The following INF2 variants were observed in gnomAD, a reference collection of about 807,000 sequenced individuals.
The protein encoded by INF2 is inverted formin 2, also known as inverted formin-2.
Under a neutral mutation model 123.5 loss-of-function variants are expected in INF2, and 43 were observed. The ratio of observed to expected loss-of-function variants is 0.35; its 90% confidence interval spans 0.27 to 0.45. INF2 has a LOEUF of 0.45. Ranked by LOEUF, INF2 falls within the 20% of genes least tolerant of loss-of-function variation. The pLI, the probability that INF2 is intolerant of heterozygous loss-of-function variation, is 1.00. For synonymous variants in INF2, 851 were observed against 745.0 expected (o/e 1.14, Z -2.32); for missense variants, 1,453 against 1,682.7 (o/e 0.86, Z 2.39).
intron 22 of INF2, among the ~76,000 whole-genome samples, chr14:104,716,851 C>T (rs919114246): frequency 5.3e-5 from 8 of 152,138 alleles, no homozygotes; most frequent in South Asian, 2.1e-4. Context: ...CCACCACGCG[C>T]GGCTAATTTT....
rs1342829787 is a variant in INF2, at chr14:104,721,980, C to T, written c.*3187C>T. ...GATGGTCCCACTGGGAGGTGTGGCC[C>T]CCAAAGAGTGGAACCCACAGGTGGA... On this transcript the variant is annotated 3_prime_UTR_variant, in exon 23 of 23. Transcript: ENST00000392634. 1 of 152,296 alleles carries T rather than the reference C, an allele frequency of 6.6e-6. No individual in the cohort carries two copies. Among genetic ancestry groups the T allele is most frequent in the Non-Finnish European group, 1.5e-5 (1 of 68,084 alleles). The allele number at this position is 152,296 out of a possible 1,614,324, so 9.4% of individuals were successfully genotyped here. A position where few individuals can be genotyped will look rare whatever the true frequency, so the allele number is the denominator to read the frequency against.
At chr14:104,710,871 C>A in intron 13 of INF2, 66 bp from the exon 14 acceptor site, 1 of 1,437,980 alleles carries the variant, frequency 7.0e-7, no homozygotes. Flanking sequence ...AGGACCACAC[C>A]CCACCGCCAG....
At chr14:104,715,470 C>G (rs1890256396) in intron 22 of INF2, 130 bp downstream of exon 22, 1 of 860,558 alleles carries the variant, frequency 1.2e-6, no homozygotes, top group Admixed American at 1.8e-5. Context: ...GTCAGTGTGG[C>G]CTTGCCGCTC....
At chr14:104,713,913 G>A (rs1030850336) in intron 20 of INF2, among the ~76,000 whole-genome samples, 1 of 152,266 alleles carries the variant, frequency 6.6e-6, no homozygotes, top group Non-Finnish European at 1.5e-5. Context: ...GGCTCAGAGG[G>A]TGCTAGAGGT....
In INF2 at chr14:104,707,676, C is replaced by A. The variant is rs1166010216; in HGVS notation, c.1409C>A (p.Ala470Asp). Reference sequence around the variant, plus strand: ...CCCCTGCCAGGCCTGGGGGCCATGGCCCCCCCAGCACCTCCTCTACCACCA... The same window carrying A: ...CCCCTGCCAGGCCTGGGGGCCATGGACCCCCCAGCACCTCCTCTACCACCA... ...PPPLPGLGAM[A>D]PPAPPLPPPL... Residue 470 changes from alanine (A) to aspartate (D), a missense_variant, in exon 8 of 23, where the codon GCC becomes GAC. By Grantham distance (126) the Ala-to-Asp change is moderately radical. Coordinates refer to ENST00000392634, the MANE Select transcript of INF2 (RefSeq NM_022489.4). 1.8e-4 allele frequency: 136 copies of A among 760,180 alleles called. No individual in the cohort carries two copies. Among genetic ancestry groups the A allele is most frequent in the Non-Finnish European group, 2.6e-4 (130 of 493,632 alleles). 47.1% of individuals were successfully genotyped at this position (760,180 alleles called of 1,614,324 possible).
Position 104,684,452 on chromosome 14 carries a change from G to A in INF2, c.-104+2870G>A. The A allele has an allele frequency of 4.3e-6, 1 of 234,660 alleles. No homozygotes were observed. Among genetic ancestry groups the A allele is most frequent in the Middle Eastern group, 1.6e-3 (1 of 644 alleles). 14.5% of individuals were successfully genotyped at this position (234,660 alleles called of 1,614,324 possible). On this transcript the variant is annotated intron_variant, in intron 1 of 2. Coordinates refer to the INF2 transcript ENST00000674723. The surrounding 1 kb of genome is among the most constrained non-coding windows in gnomAD (Gnocchi z 5.0). ...GAGTGAACGATGCACACCACCGCGT[G>A]GATGAGTCTCAGAGACTGTGGAGCG...
chr14:104,719,468 G>A lies in INF2; in HGVS notation c.*675G>A. ...TGGGGACAATACAGGTCCACCTGAG[G>A]GGCTGCAGGGTGACACCCAGCAGCC... On this transcript the variant is annotated 3_prime_UTR_variant, in exon 23 of 23. Coordinates refer to ENST00000392634, the MANE Select transcript of INF2 (RefSeq NM_022489.4). 6.6e-6 allele frequency: 1 copy of A among 152,156 alleles called. No individual in the cohort carries two copies. Among genetic ancestry groups the A allele is most frequent in the Admixed American group, 6.5e-5 (1 of 15,290 alleles). 9.4% of individuals were successfully genotyped at this position (152,156 alleles called of 1,614,324 possible). A position where few individuals can be genotyped will look rare whatever the true frequency, so the allele number is the denominator to read the frequency against.
upstream of INF2, chr14:104,689,515 C>T (rs1420531735): frequency 4.5e-6 from 2 of 442,320 alleles, no homozygotes; most frequent in Non-Finnish European, 6.0e-6. Context: ...ACCCACCTCC[C>T]CCCCCAGGCC....
rs1889614072 is a variant in INF2, at chr14:104,703,279, C to T, written c.508-16C>T. On this transcript the variant is annotated splice_polypyrimidine_tract_variant and intron_variant, in intron 3 of 22. Coordinates refer to ENST00000392634, the MANE Select transcript of INF2 (RefSeq NM_022489.4). ...GCTCCCTGCCTGGGTGTGCCCTGAC[C>T]CCGCCCTCCCCACAGACGGTGTGCA... 11 of 1,612,992 alleles carry T rather than the reference C, an allele frequency of 6.8e-6. No individual in the cohort carries two copies. Among genetic ancestry groups the T allele is most frequent in the South Asian group, 1.1e-5 (1 of 91,088 alleles).
chr14:104,711,354 C>T (rs953142164), intron 15 of INF2, among the ~76,000 whole-genome samples, 168 bp downstream of exon 15: 1 of 152,190 alleles, frequency 6.6e-6, no homozygotes, highest in Non-Finnish European at 1.5e-5. Context: ...GCCCCCACCC[C>T]TCCCAGCACC....
chr14:104,689,816 TC>T, intron 1 of INF2, 77 bp downstream of exon 1: 1 of 871,136 alleles, frequency 1.1e-6, no homozygotes, highest in Non-Finnish European at 1.4e-6. Context: ...CGTGCTTGGG[TC>T]CAGGAGCGAG....
Position 104,720,584 on chromosome 14 carries a change from G to A in INF2, c.*1791G>A, listed in dbSNP as rs1890517939. On this transcript the variant is annotated 3_prime_UTR_variant, in exon 23 of 23. Transcript: ENST00000392634. ...CTGCTGTGGACGTCTGCGTAGTCTC[G>A]TGTGGATGCTGCTGTGCACGTCTGC... is the stretch of plus-strand genomic sequence containing the variant. 1 of 73,146 alleles carries A rather than the reference G, an allele frequency of 1.4e-5. No homozygotes were observed. Among genetic ancestry groups the A allele is most frequent in the Non-Finnish European group, 2.3e-5 (1 of 42,778 alleles). The allele number at this position is 73,146 out of a possible 1,614,324, so 4.5% of individuals were successfully genotyped here.
At position 104,715,737 on chromosome 14, in the gene INF2, A is replaced by G. The variant is rs1406022194; in HGVS notation, c.*1+397A>G. On this transcript the variant is annotated intron_variant, in intron 22 of 22. Coordinates refer to ENST00000392634, the MANE Select transcript of INF2 (RefSeq NM_022489.4). ...GTGTCCTGGCGCTAACTGCAGTTCC[A>G]GTAACCCTGTGGCTTTCCTGCTCTG... 1.2e-5 allele frequency: 6 copies of G among 513,412 alleles called. No individual in the cohort carries two copies. In the Admixed American group the frequency reaches 1.4e-4, roughly 12 times the overall value. The allele number at this position is 513,412 out of a possible 1,614,324, so 31.8% of individuals were successfully genotyped here. A position where few individuals can be genotyped will look rare whatever the true frequency, so the allele number is the denominator to read the frequency against.
In INF2 at chr14:104,684,100, C is replaced by A. The variant is rs1888601200; in HGVS notation, c.-104+2518C>A. ...TTCTTTAAGCAAAAGATGGCACGGA[C>A]CCCCGACATAAGACAGTTCAAAGCT... On this transcript the variant is annotated intron_variant, in intron 1 of 2. Transcript: ENST00000674723. This position sits in a 1 kb window ranked among gnomAD's most constrained non-coding sequence, Gnocchi z 5.0. 1 of 455,940 alleles carries A rather than the reference C, an allele frequency of 2.2e-6. No individual in the cohort carries two copies. Among genetic ancestry groups the A allele is most frequent in the Admixed American group, 2.4e-5 (1 of 42,550 alleles). 28.2% of individuals were successfully genotyped at this position (455,940 alleles called of 1,614,324 possible).
chr14:104,701,052 G>A (rs925131388), intron 1 of INF2, among the ~76,000 whole-genome samples: 3 of 152,136 alleles, frequency 2.0e-5, no homozygotes, highest in Non-Finnish European at 4.4e-5. Context: ...GGGCCGTGCT[G>A]GCCTCGTGCT....
chr14:104,719,359 A>AGGCCTCTGCCC lies in INF2; in HGVS notation c.*567_*577dup, dbSNP rs773303240. On this transcript the variant is annotated 3_prime_UTR_variant, in exon 23 of 23. Coordinates refer to ENST00000392634, the MANE Select transcript of INF2 (RefSeq NM_022489.4). ...GCGGTCTGCCTTTGCTGCCACTGCC[A>AGGCCTCTGCCC]GGCCTCTGCCCTGCAGCTGAAACTT... 2 of 153,566 alleles carry AGGCCTCTGCCC rather than the reference A, an allele frequency of 1.3e-5. No homozygotes were observed. The highest frequency in any genetic ancestry group is 2.9e-5 in the Non-Finnish European group (2 of 69,046). The allele number at this position is 153,566 out of a possible 1,614,324, so 9.5% of individuals were successfully genotyped here.
intron 13 of INF2, 24 bp downstream of exon 13, chr14:104,710,212 G>C: frequency 6.6e-7 from 1 of 1,506,584 alleles, no homozygotes; most frequent in Non-Finnish European, 9.0e-7. Flanking sequence ...AGCGGGGCAC[G>C]TGTGCAGGAG....
intron 1 of INF2, chr14:104,691,257 T>C (rs910059646): frequency 6.6e-6 from 1 of 152,304 alleles, no homozygotes; most frequent in Non-Finnish European, 1.5e-5. Flanking sequence ...GTGCAGTTAC[T>C]TCCTGGGTTG....
chr14:104,704,195 C>T, intron 5 of INF2: 1 of 1,428,384 alleles, frequency 7.0e-7, no homozygotes, highest in East Asian at 2.5e-5. Context: ...AGAATGAGCT[C>T]ATATCCTTTG....
Sources: gnomAD v4.1 joint callset for allele counts (sites outside exome capture counted in the v4.1 genomes callset) on GRCh38, gnomAD v4.1.1 for gene constraint, Gnocchi (gnomAD v3.1) non-coding constraint, MANE v1.5 for transcripts, NCBI Gene and HGNC (gene_info 2026-07-23, HGNC 2026-07-21) for gene names.